The following LINGO2 variants were observed in gnomAD, a reference collection of about 807,000 sequenced individuals.
LINGO2 encodes leucine-rich repeat and immunoglobulin-like domain-containing nogo receptor-interacting protein 2.
A neutral mutation model predicts 30.6 loss-of-function variants in LINGO2; 14 were observed. The ratio of observed to expected loss-of-function variants is 0.46; its 90% CI spans 0.30 to 0.72. LINGO2 has a LOEUF of 0.72. Ranked by LOEUF, LINGO2 falls within the 30% of genes least tolerant of loss-of-function variation. LINGO2 has a pLI of 0.07. For missense variants in LINGO2, 729 were observed against 751.7 expected (o/e 0.97, Z 0.35); for synonymous variants, 317 against 288.5 (o/e 1.10, Z -1.00).
chr9:29,091,161 C>G, the LINGO2 span, among the ~76,000 whole-genome samples: 1 of 152,060 alleles, frequency 6.6e-6, no homozygotes, highest in East Asian at 1.9e-4. Context: ...AGTTCCAAAT[C>G]TGACATCTCT....
At chr9:28,684,168 T>G in the LINGO2 span, among the ~76,000 whole-genome samples, 1 of 140,492 alleles carries the variant, frequency 7.1e-6, no homozygotes, top group African/African-American at 2.6e-5. Context: ...GGTTTTAAAA[T>G]GTTTATCTTT....
chr9:28,134,901 A>G (rs1209103448), intron 4 of LINGO2, among the ~76,000 whole-genome samples: 1 of 152,242 alleles, frequency 6.6e-6, no homozygotes, highest in Non-Finnish European at 1.5e-5. Flanking sequence ...ATAGCTGATT[A>G]CACAGATAAG....
At chr9:28,351,265 A>T (rs943221884) in intron 3 of LINGO2, among the ~76,000 whole-genome samples, 2 of 144,414 alleles carry the variant, frequency 1.4e-5, no homozygotes, top group African/African-American at 2.6e-5. Flanking sequence ...AGACTAATAA[A>T]GAAAAAAAGA....
the LINGO2 span, among the ~76,000 whole-genome samples, chr9:28,917,964 C>A: frequency 6.6e-6 from 1 of 151,948 alleles, no homozygotes; most frequent in Non-Finnish European, 1.5e-5. Context: ...ACAGTGCTAG[C>A]GGCCTACACA....
rs1827853769 is a variant in LINGO2, at chr9:28,147,692, CCACGGGGGGG to C, written c.-86-135297_-86-135288del. Among the ~76,000 whole-genome samples the C allele has an allele frequency of 6.6e-6, 1 of 152,186 alleles. No individual in the cohort carries two copies. Among genetic ancestry groups the C allele is most frequent in the African/African-American group, 2.4e-5 (1 of 41,456 alleles). ...GATCAGCCCCGCACCCCCAACAGCC[CCACGGGGGGG>C]CCCGTCCAGGGCCACACAACTGCCC... On this transcript the variant is annotated intron_variant, in intron 4 of 5. Coordinates refer to ENST00000379992, the Ensembl canonical transcript of LINGO2. This position sits in a 1 kb window ranked among gnomAD's most constrained non-coding sequence, Gnocchi z 4.7.
the LINGO2 span, among the ~76,000 whole-genome samples, chr9:29,064,493 A>C: frequency 6.6e-6 from 1 of 152,098 alleles, no homozygotes; most frequent in African/African-American, 2.4e-5. Context: ...TCTAATTAAA[A>C]TTTCAACTGT....
At chr9:28,218,474 G>A (rs575751807) in intron 4 of LINGO2, among the ~76,000 whole-genome samples, 1 of 152,020 alleles carries the variant, frequency 6.6e-6, no homozygotes, top group East Asian at 1.9e-4. Context: ...AGCCTGTTCT[G>A]AAGTGGAAAA....
chr9:28,915,530 T>A, the LINGO2 span, among the ~76,000 whole-genome samples: 2 of 152,296 alleles, frequency 1.3e-5, no homozygotes, highest in East Asian at 3.9e-4. Flanking sequence ...TATTTACATA[T>A]GTGTGTTTTC....
intron 5 of LINGO2, among the ~76,000 whole-genome samples, chr9:28,002,935 G>A (rs1465230699): frequency 6.6e-6 from 1 of 152,140 alleles, no homozygotes; most frequent in African/African-American, 2.4e-5. Context: ...GCCCTACAAT[G>A]GGATGGCATC....
chr9:29,124,551 TAAAC>T, the LINGO2 span, among the ~76,000 whole-genome samples: 2 of 152,078 alleles, frequency 1.3e-5, no homozygotes, highest in African/African-American at 4.8e-5. Context: ...ACAAAGAACT[TAAAC>T]AAATTTATAA....
At chr9:28,493,802 A>G (rs1819470392) in intron 1 of LINGO2, among the ~76,000 whole-genome samples, 1 of 152,170 alleles carries the variant, frequency 6.6e-6, no homozygotes, top group Admixed American at 6.6e-5. Flanking sequence ...CACGGTCAGA[A>G]TAAAAGCATG....
chr9:29,103,292 T>G, the LINGO2 span, among the ~76,000 whole-genome samples: 1 of 141,226 alleles, frequency 7.1e-6, no homozygotes, highest in Non-Finnish European at 1.6e-5. Flanking sequence ...GCTAGAAAAC[T>G]TTATAAAGAA....
chr9:28,439,009 AATGAAATACAGATATCTATACATTATAT>A (rs1348755604), intron 2 of LINGO2, among the ~76,000 whole-genome samples: 6 of 147,466 alleles, frequency 4.1e-5, no homozygotes, highest in South Asian at 2.1e-4. Context: ...CATTATATAT[AATGAAATACAGATATCTATACATTATAT>A]ATGAAATACA....
chr9:28,626,441 G>C (rs1296250976), intron 1 of LINGO2, among the ~76,000 whole-genome samples: 1 of 151,794 alleles, frequency 6.6e-6, no homozygotes, highest in African/African-American at 2.4e-5. Context: ...TTCATGATTT[G>C]TGCTTTGAAA....
chr9:28,588,971 CTT>C (rs1824719264), intron 1 of LINGO2, among the ~76,000 whole-genome samples: 1 of 152,086 alleles, frequency 6.6e-6, no homozygotes, highest in African/African-American at 2.4e-5. Context: ...GCCAATGAGT[CTT>C]AACTATGCAA....
intron 5 of LINGO2, among the ~76,000 whole-genome samples, chr9:27,965,200 T>C (rs1820039620): frequency 6.6e-6 from 1 of 152,110 alleles, no homozygotes; most frequent in Admixed American, 6.6e-5. Flanking sequence ...TCTTGCTTGA[T>C]GAGTCATTTG....
At chr9:28,661,711 A>G (rs564730508) in intron 1 of LINGO2, among the ~76,000 whole-genome samples, 1 of 152,288 alleles carries the variant, frequency 6.6e-6, no homozygotes, top group African/African-American at 2.4e-5. Context: ...CAAAAATGAT[A>G]GATTTAAAGT....
chr9:28,402,713 C>T (rs564918365), intron 2 of LINGO2, among the ~76,000 whole-genome samples: 1 of 152,170 alleles, frequency 6.6e-6, no homozygotes, highest in Admixed American at 6.6e-5. Context: ...AGGCACACAT[C>T]TGACATGACA....
intron 2 of LINGO2, among the ~76,000 whole-genome samples, chr9:28,453,448 G>A (rs1824726514): frequency 6.6e-6 from 1 of 151,792 alleles, no homozygotes; most frequent in South Asian, 2.1e-4. Flanking sequence ...TTGCTTGACA[G>A]TAAAATTTTA....
Sources: allele counts gnomAD v4.1 joint callset (sites outside exome capture counted in the v4.1 genomes callset), GRCh38; gene constraint gnomAD v4.1.1; non-coding constraint Gnocchi (gnomAD v3.1); transcripts MANE v1.5; gene names NCBI Gene and HGNC (gene_info 2026-07-23, HGNC 2026-07-21).